The following DLGAP1 variants were observed in gnomAD, a reference collection of about 807,000 sequenced individuals.
The protein encoded by DLGAP1 is disks large-associated protein 1.
A neutral mutation model predicts 90.8 loss-of-function variants in DLGAP1; 11 were observed. The observed-to-expected ratio is 0.12, with a 90% confidence interval of 0.08 to 0.20. The LOEUF is 0.20. Among genes scored for constraint, DLGAP1 ranks in the 10% least tolerant of loss-of-function variants. DLGAP1 has a pLI of 1.00. For missense variants in DLGAP1, 1,050 were observed against 1,333.8 expected, an observed-to-expected ratio of 0.79 and a Z score of 3.31; for synonymous variants, 558 against 540.7, an observed-to-expected ratio of 1.03 and a Z score of -0.44.
intron 2 of DLGAP1, among the ~76,000 whole-genome samples, chr18:4,055,123 T>C (rs1041231558): frequency 6.6e-6 from 1 of 152,184 alleles, no homozygotes; most frequent in Admixed American, 6.5e-5. Context: ...CCTGCTCATG[T>C]GACATGAGCA....
intron 1 of DLGAP1, among the ~76,000 whole-genome samples, chr18:4,330,090 CTT>C (rs2080914307): frequency 6.6e-6 from 1 of 151,882 alleles, no homozygotes; most frequent in Non-Finnish European, 1.5e-5. Context: ...CTTGACAGAA[CTT>C]TGATAGTTTG....
At chr18:3,601,560 C>A (rs1418287158) in intron 7 of DLGAP1, among the ~76,000 whole-genome samples, 1 of 151,750 alleles carries the variant, frequency 6.6e-6, no homozygotes, top group Non-Finnish European at 1.5e-5. Context: ...ATAAAACCTA[C>A]GGCTGGGCAT....
At chr18:4,242,619 A>C (rs1328789728) in intron 1 of DLGAP1, among the ~76,000 whole-genome samples, 2 of 152,306 alleles carry the variant, frequency 1.3e-5, no homozygotes, top group Middle Eastern at 3.4e-3. Flanking sequence ...GGGAGGAAGA[A>C]AGCGGGAAGG....
intron 10 of DLGAP1, among the ~76,000 whole-genome samples, chr18:3,515,241 T>C (rs1331383174): frequency 6.6e-6 from 1 of 151,178 alleles, no homozygotes; most frequent in Non-Finnish European, 1.5e-5. Context: ...GAGGCCAAGG[T>C]GGGTGGATCA....
chr18:3,643,109 G>A (rs146880535), intron 7 of DLGAP1, among the ~76,000 whole-genome samples: 349 of 152,218 alleles, frequency 2.3e-3, no homozygotes, highest in African/African-American at 7.9e-3. Flanking sequence ...TGCAACCCTA[G>A]CAAAGAAGGA....
intron 1 of DLGAP1, among the ~76,000 whole-genome samples, chr18:4,445,681 T>G (rs1244565889): frequency 6.6e-6 from 1 of 151,918 alleles, no homozygotes; most frequent in African/African-American, 2.4e-5. Flanking sequence ...CTATGAGACA[T>G]GCAAAAAACA....
intron 7 of DLGAP1, among the ~76,000 whole-genome samples, chr18:3,672,303 A>C (rs9962357): frequency 0.25 from 37,431 of 151,232 alleles, 5,066 homozygotes; most frequent in African/African-American, 0.34. Flanking sequence ...AAGAGCAGGG[A>C]ACGGTGGTTC....
At chr18:3,545,158 C>A (rs1480269671) in intron 9 of DLGAP1, among the ~76,000 whole-genome samples, 1 of 151,836 alleles carries the variant, frequency 6.6e-6, no homozygotes, top group African/African-American at 2.4e-5. Flanking sequence ...CCTATAATCC[C>A]AGCTACTCTG....
At chr18:4,187,379 G>C (rs546473979) in intron 1 of DLGAP1, among the ~76,000 whole-genome samples, 23 of 152,028 alleles carry the variant, frequency 1.5e-4, no homozygotes, top group Non-Finnish European at 2.6e-4. Context: ...TCCTTTAAAC[G>C]TTCCAAGATA....
At chr18:3,609,276 G>C (rs1298697070) in intron 7 of DLGAP1, among the ~76,000 whole-genome samples, 1 of 152,036 alleles carries the variant, frequency 6.6e-6, no homozygotes, top group Non-Finnish European at 1.5e-5. Flanking sequence ...CAAATTCCTG[G>C]GCTCAAGTGA....
chr18:3,556,137 C>T (rs2053736915), intron 9 of DLGAP1, among the ~76,000 whole-genome samples: 2 of 152,148 alleles, frequency 1.3e-5, no homozygotes, highest in Admixed American at 6.5e-5. Context: ...AATTAATAAA[C>T]TTTGTTTTTT....
chr18:4,398,459 T>C (rs2082483316), intron 1 of DLGAP1, among the ~76,000 whole-genome samples: 1 of 152,206 alleles, frequency 6.6e-6, no homozygotes, highest in African/African-American at 2.4e-5. Flanking sequence ...CCAACTGAAA[T>C]TACACATGCT....
intron 1 of DLGAP1, among the ~76,000 whole-genome samples, chr18:4,197,991 G>A (rs1021246283): frequency 2.6e-5 from 4 of 152,150 alleles, no homozygotes; most frequent in African/African-American, 9.7e-5. Flanking sequence ...GGAGGCTGAG[G>A]CGGGCGGATC....
chr18:3,518,032 T>A (rs577973929), intron 10 of DLGAP1, among the ~76,000 whole-genome samples: 1 of 152,342 alleles, frequency 6.6e-6, no homozygotes, highest in Admixed American at 6.5e-5. Flanking sequence ...AACTTGGCTA[T>A]CTGGCACAAA....
Position 3,729,117 on chromosome 18 carries a change from G to T in DLGAP1, c.1591+18C>A. On this transcript the variant is annotated intron_variant, in intron 7 of 12. Coordinates refer to ENST00000315677, the MANE Select transcript of DLGAP1 (RefSeq NM_004746.4). The surrounding 1 kb of genome is among the most constrained non-coding windows in gnomAD (Gnocchi z 6.2). The stretch of plus-strand genomic sequence containing the variant: ...AGCCAGCACAGGGGCCAGGCTGGCT[G>T]AGGGCCCGCGCACTCACCCGTGCTG... The T allele has an allele frequency of 6.3e-7, 1 of 1,588,378 alleles. No individual in the cohort carries two copies.
Position 3,729,383 on chromosome 18 carries a change from C to T in DLGAP1, c.1351-8G>A. The T allele has an allele frequency of 6.2e-7, 1 of 1,606,394 alleles. No homozygotes were observed. The highest frequency in any genetic ancestry group is 8.5e-7 in the Non-Finnish European group (1 of 1,174,138). ...CACTTCCATCTCGCTCACCTGCGGG[C>T]AGACACAGGCGTTGTGACACTCGCC... On this transcript the variant is annotated splice_region_variant and splice_polypyrimidine_tract_variant and intron_variant, in intron 6 of 12. Coordinates refer to ENST00000315677, the MANE Select transcript of DLGAP1 (RefSeq NM_004746.4). The surrounding 1 kb of genome is among the most constrained non-coding windows in gnomAD (Gnocchi z 6.2).
At chr18:3,533,263 G>T (rs1249398393) in intron 10 of DLGAP1, among the ~76,000 whole-genome samples, 1 of 152,208 alleles carries the variant, frequency 6.6e-6, no homozygotes, top group Non-Finnish European at 1.5e-5. Context: ...AAAAAAGAAA[G>T]AAAAGAATAG....
At chr18:3,902,907 G>T (rs1260163183) in intron 3 of DLGAP1, among the ~76,000 whole-genome samples, 2 of 151,992 alleles carry the variant, frequency 1.3e-5, no homozygotes. Flanking sequence ...GACCTTTTAA[G>T]ACTCATTCAA....
In DLGAP1 at chr18:3,534,200, C is replaced by G. The variant is rs1208229617; in HGVS notation, c.2473G>C (p.Glu825Gln). The stretch of plus-strand genomic sequence containing the variant: ...ACGTGGTGGCATTACTTACTGTCTT[C>G]GGGCAGGTTGTTTTCCCGTTCTTCC... ...EREERENNLP[E>Q]DILGKIRTAV... The change falls in exon 10 of 13, where the codon GAA becomes CAA. Residue 825 changes from glutamate (E) to glutamine (Q), a missense_variant. Physicochemically the swap from Glu to Gln is conservative, Grantham distance 29. This residue lies in a region of DLGAP1 where 565 missense variants were observed against 879.7 expected (regional missense o/e 0.64). Transcript: ENST00000315677. 1.2e-6 allele frequency: 2 copies of G among 1,612,564 alleles called. No individual in the cohort carries two copies. Among genetic ancestry groups the G allele is most frequent in the Non-Finnish European group, 1.7e-6 (2 of 1,179,162 alleles).
Sources: gnomAD v4.1 joint callset for allele counts (sites outside exome capture counted in the v4.1 genomes callset) on GRCh38, gnomAD v4.1.1 for gene constraint, gnomAD v4.1.1 regional missense constraint, Gnocchi (gnomAD v3.1) non-coding constraint, MANE v1.5 for transcripts, NCBI Gene and HGNC (gene_info 2026-07-23, HGNC 2026-07-21) for gene names.